EDARADD: variants seen among roughly 807,000 people sequenced by gnomAD.
EDARADD encodes EDAR associated via death domain.
A neutral mutation model predicts 25.6 loss-of-function variants in EDARADD; 20 were observed. That is an observed-to-expected ratio of 0.78 (90% CI 0.55 to 1.14). The LOEUF (loss-of-function observed/expected upper bound fraction) is 1.14, where lower values mean the gene tolerates loss of function less well. EDARADD is among the 50% of genes most tolerant of loss of function. EDARADD has a pLI of 0.00. For missense variants in EDARADD, 225 were observed against 270.1 expected (o/e 0.83, Z 1.17); for synonymous variants, 86 against 94.4 (o/e 0.91, Z 0.52).
intron 3 of EDARADD, among the ~76,000 whole-genome samples, chr1:236,377,682 A>C (rs191174868): frequency 0.029 from 4,400 of 150,636 alleles, 181 homozygotes; most frequent in African/African-American, 0.098. Context: ...ACATGGTGAA[A>C]CCCCGTCTCT....
chr1:236,379,679 T>A (rs1667275155), intron 3 of EDARADD, among the ~76,000 whole-genome samples: 1 of 151,920 alleles, frequency 6.6e-6, no homozygotes, highest in Admixed American at 6.6e-5. Flanking sequence ...CTTGGGAGGC[T>A]GAGGCAGGAG....
intron 4 of EDARADD, among the ~76,000 whole-genome samples, chr1:236,438,456 GT>G (rs1658317903): frequency 1.3e-5 from 2 of 152,196 alleles, no homozygotes; most frequent in South Asian, 4.1e-4. Flanking sequence ...GAGAACCCCG[GT>G]GGTGACCAGG....
rs558859098 is a variant in EDARADD, at chr1:236,398,316, C to T, written c.61+3811C>T. On this transcript the variant is annotated intron_variant, in intron 1 of 5. Transcript: ENST00000334232. The surrounding 1 kb of genome is among the most constrained non-coding windows in gnomAD (Gnocchi z 4.1). ...ATTTTTTGTATTTTTAGGCTGGTCT[C>T]GAACTCCTGACCTCAAGTGATCCAC... Among the ~76,000 whole-genome samples the T allele has an allele frequency of 6.9e-4, 105 of 152,200 alleles. No homozygotes were observed. Among genetic ancestry groups the T allele is most frequent in the South Asian group, 3.3e-3 (16 of 4,826 alleles).
intron 3 of EDARADD, among the ~76,000 whole-genome samples, chr1:236,363,006 A>AAAAAATATATATATAT (rs1377112051): frequency 4.7e-5 from 2 of 42,946 alleles, no homozygotes; most frequent in African/African-American, 2.2e-4. Context: ...AAAAAAAAAA[A>AAAAAATATATATATAT]ATATATATAT....
At chr1:236,360,333 A>C (rs1207188596) in intron 3 of EDARADD, among the ~76,000 whole-genome samples, 2 of 151,868 alleles carry the variant, frequency 1.3e-5, no homozygotes, top group African/African-American at 4.8e-5. Flanking sequence ...AAAAAAAAGA[A>C]GAAGAAGAAG....
Position 236,349,831 on chromosome 1 carries a change from G to A in EDARADD, c.-142+865G>A, listed in dbSNP as rs534310987. ...AAGGGCAGTGGTGGGGGAGGGTGGT[G>A]GCAGGCGCGGTGGCTCACGCCTGTA... is the stretch of plus-strand genomic sequence containing the variant. On this transcript the variant is annotated intron_variant, in intron 2 of 7. Coordinates refer to the EDARADD transcript ENST00000439430. Among the ~76,000 whole-genome samples the A allele has an allele frequency of 5.3e-5, 8 of 152,324 alleles. No individual in the cohort carries two copies. The South Asian group carries it at 1.7e-3, about 32-fold the overall frequency.
chr1:236,444,117 A>G (rs1658471245), intron 4 of EDARADD, among the ~76,000 whole-genome samples: 1 of 152,172 alleles, frequency 6.6e-6, no homozygotes, highest in South Asian at 2.1e-4. Context: ...AAATATTTTT[A>G]AGACGTACTT....
At chr1:236,430,613 GTCT>G (rs10552742) in intron 4 of EDARADD, among the ~76,000 whole-genome samples, 68,138 of 151,826 alleles carry the variant, frequency 0.45, 17,548 homozygotes, top group Non-Finnish European at 0.59. Flanking sequence ...AAAACAAAAT[GTCT>G]TCTTCTCCTA....
rs915059325 is a variant in EDARADD, at chr1:236,483,573, T to A, written c.*924T>A. On this transcript the variant is annotated 3_prime_UTR_variant, in exon 6 of 6. Coordinates refer to ENST00000334232, the MANE Select transcript of EDARADD (RefSeq NM_145861.4). Reference sequence around the variant, plus strand: ...TCCCCTGTACCACCACATCGCCGACTTGTCTGGCAACTCCAAAGTCATCTT... The same window carrying A: ...TCCCCTGTACCACCACATCGCCGACATGTCTGGCAACTCCAAAGTCATCTT... 7.3e-7 allele frequency: 1 copy of A among 1,370,048 alleles called. No individual in the cohort carries two copies. The highest frequency in any genetic ancestry group is 1.4e-5 in the African/African-American group (1 of 69,894). The allele number at this position is 1,370,048 out of a possible 1,614,324, so 84.9% of individuals were successfully genotyped here. A position where few individuals can be genotyped will look rare whatever the true frequency, so the allele number is the denominator to read the frequency against.
At chr1:236,475,785 C>T (rs1053817499) in intron 5 of EDARADD, among the ~76,000 whole-genome samples, 1 of 149,116 alleles carries the variant, frequency 6.7e-6, no homozygotes, top group South Asian at 2.1e-4. Context: ...AAAGAAAACA[C>T]ACACACAAAA....
chr1:236,461,877 C>T (rs1175608629), intron 4 of EDARADD, among the ~76,000 whole-genome samples: 7 of 152,194 alleles, frequency 4.6e-5, no homozygotes, highest in African/African-American at 9.6e-5. Context: ...CCAAACTAAA[C>T]GTCCTGAAGA....
intron 3 of EDARADD, among the ~76,000 whole-genome samples, chr1:236,368,661 A>G (rs1667140391): frequency 6.6e-6 from 1 of 151,998 alleles, no homozygotes; most frequent in South Asian, 2.1e-4. Flanking sequence ...GCTGGTCTCG[A>G]ACTCCTGACC....
intron 3 of EDARADD, among the ~76,000 whole-genome samples, chr1:236,363,006 A>AAAAAAAAAAAAT (rs1377112051): frequency 7.0e-5 from 3 of 42,948 alleles, no homozygotes; most frequent in African/African-American, 3.3e-4. Context: ...AAAAAAAAAA[A>AAAAAAAAAAAAT]ATATATATAT....
intron 1 of EDARADD, among the ~76,000 whole-genome samples, chr1:236,402,963 CT>C (rs375335663): frequency 2.0e-5 from 3 of 149,100 alleles, no homozygotes; most frequent in Admixed American, 6.7e-5. Flanking sequence ...CTTGTCTTTT[CT>C]TTTTTTTTTG....
chr1:236,380,159 T>TA (rs1667281580), intron 3 of EDARADD, among the ~76,000 whole-genome samples: 1 of 151,950 alleles, frequency 6.6e-6, no homozygotes, highest in Non-Finnish European at 1.5e-5. Flanking sequence ...CCTGATTGGA[T>TA]AAAACTTAAT....
rs143350476 is a variant in EDARADD at position 236,424,042 on chromosome 1, G to T, written c.161-3350G>T. 4.2e-3 allele frequency among the ~76,000 whole-genome samples: 635 copies of T among 151,990 alleles called. 5 individuals carry two copies. The highest frequency in any genetic ancestry group is 0.015 in the African/African-American group (612 of 41,440). On this transcript the variant is annotated intron_variant, in intron 3 of 5. Transcript: ENST00000334232. ...AATCACTCAAACCTGGGAAATGGAG[G>T]TTGCAGTGAGCTGAGATCGCACCAC...
At chr1:236,453,987 C>A (rs1658781242) in intron 4 of EDARADD, among the ~76,000 whole-genome samples, 1 of 152,144 alleles carries the variant, frequency 6.6e-6, no homozygotes, top group South Asian at 2.1e-4. Flanking sequence ...ATCTTGTTTC[C>A]TCATCAAGGA....
chr1:236,463,179 G>A (rs1015560399), intron 4 of EDARADD, among the ~76,000 whole-genome samples: 2 of 152,228 alleles, frequency 1.3e-5, no homozygotes, highest in African/African-American at 2.4e-5. Context: ...TGTTTGTATC[G>A]TGTCACTCTG....
intron 1 of EDARADD, among the ~76,000 whole-genome samples, chr1:236,396,504 C>T (rs562699008): frequency 2.0e-5 from 3 of 152,212 alleles, no homozygotes; most frequent in African/African-American, 7.2e-5. Context: ...TTTAGATAAA[C>T]GCGTTTCCTA....
Sources: allele counts gnomAD v4.1 joint callset (sites outside exome capture counted in the v4.1 genomes callset), GRCh38; gene constraint gnomAD v4.1.1; non-coding constraint Gnocchi (gnomAD v3.1); transcripts MANE v1.5; gene names NCBI Gene and HGNC (gene_info 2026-07-23, HGNC 2026-07-21).